MED13: variants seen among roughly 807,000 people sequenced by gnomAD.
MED13 encodes the protein mediator of RNA polymerase II transcription subunit 13.
In MED13, 23 loss-of-function variants were observed where a neutral mutation model predicts 225.2. The observed-to-expected ratio is 0.10, with a 90% CI of 0.07 to 0.14. The LOEUF (loss-of-function observed/expected upper bound fraction) is 0.14. Among genes scored for constraint, MED13 ranks in the 10% least tolerant of loss-of-function variants. MED13 has a pLI of 1.00. For synonymous variants in MED13, 942 were observed against 889.2 expected (o/e 1.06, Z -1.06); for missense variants, 2,197 against 2,594.5 (o/e 0.85, Z 3.33).
chr17:62,038,358 C>T (rs1293272967), intron 3 of MED13, among the ~76,000 whole-genome samples: 1 of 152,062 alleles, frequency 6.6e-6, no homozygotes, highest in Non-Finnish European at 1.5e-5. Context: ...GCTATGATGA[C>T]ACCACTGCCC....
intron 11 of MED13, among the ~76,000 whole-genome samples, chr17:61,989,781 C>T (rs2080279513): frequency 6.6e-6 from 1 of 152,252 alleles, no homozygotes; most frequent in African/African-American, 2.4e-5. Context: ...TTGCAGCAGA[C>T]TTTCAAATCA....
At chr17:61,998,961 TA>T in intron 9 of MED13, among the ~76,000 whole-genome samples, 1 of 148,268 alleles carries the variant, frequency 6.7e-6, no homozygotes. Flanking sequence ...CCGTCTCCTA[TA>T]TTCAGAATCA....
rs1379127977 is a variant in MED13 at position 61,942,867 on chromosome 17, T to G, written c.*3601A>C. The G allele has an allele frequency of 6.6e-6, 1 of 151,860 alleles. No individual in the cohort carries two copies. The highest frequency in any genetic ancestry group is 2.4e-5 in the African/African-American group (1 of 41,218). 9.4% of individuals were successfully genotyped at this position (151,860 alleles called of 1,614,324 possible). A position where few individuals can be genotyped will look rare whatever the true frequency, so the allele number is the denominator to read the frequency against. On this transcript the variant is annotated 3_prime_UTR_variant, in exon 30 of 30. Coordinates refer to ENST00000397786, the MANE Select transcript of MED13 (RefSeq NM_005121.3). ...AAGTGACCAAGCTATTTTGAGAGGG[T>G]TGATGCTGACATGTCCAGTAATGAC...
chr17:62,021,844 G>A lies in MED13; in HGVS notation c.1283+7697C>T, dbSNP rs2080651122. Among the ~76,000 whole-genome samples, 6 of 152,050 alleles carry A rather than the reference G, an allele frequency of 3.9e-5. No homozygotes were observed. In the South Asian group the frequency reaches 1.0e-3, roughly 26 times the overall value. On this transcript the variant is annotated intron_variant, in intron 8 of 29. Coordinates refer to ENST00000397786, the MANE Select transcript of MED13 (RefSeq NM_005121.3). ...ACCCACCTAGTTTATTTCCTTCCCA[G>A]CACTCATTCAAATTTAAAAAGGATT...
chr17:62,056,202 A>C (rs991756409), intron 2 of MED13, among the ~76,000 whole-genome samples: 2 of 152,228 alleles, frequency 1.3e-5, no homozygotes, highest in Non-Finnish European at 2.9e-5. Flanking sequence ...TACTGAGCCA[A>C]GTTTCTAATA....
chr17:62,052,476 G>A lies in MED13; in HGVS notation c.470+61C>T, dbSNP rs557886395. On this transcript the variant is annotated intron_variant, in intron 3 of 29. Transcript: ENST00000397786. ...TAGCTTGTTTTATCCCACATTCTCT[G>A]TTAAGACACAAAAAGGAACAAATCT... 82 of 1,312,218 alleles carry A rather than the reference G, an allele frequency of 6.2e-5. No individual in the cohort carries two copies. In the East Asian group the frequency reaches 1.6e-3, roughly 26 times the overall value. The allele number at this position is 1,312,218 out of a possible 1,614,324, so 81.3% of individuals were successfully genotyped here. A position where few individuals can be genotyped will look rare whatever the true frequency, so the allele number is the denominator to read the frequency against.
chr17:61,948,272 C>T (rs568600777), intron 28 of MED13, among the ~76,000 whole-genome samples: 1 of 151,968 alleles, frequency 6.6e-6, no homozygotes, highest in African/African-American at 2.4e-5. Context: ...TAGTTCATAA[C>T]CAGAAGTCCT....
chr17:61,983,853 C>T (rs989629878), intron 15 of MED13, among the ~76,000 whole-genome samples: 5 of 151,860 alleles, frequency 3.3e-5, no homozygotes, highest in African/African-American at 1.2e-4. Context: ...CTCAGCCTCC[C>T]AAGTAGCTGG....
In MED13 at chr17:61,995,259, C is replaced by T. The variant is rs1164361791; in HGVS notation, c.2074G>A (p.Glu692Lys). 5.0e-6 allele frequency: 8 copies of T among 1,613,514 alleles called. No homozygotes were observed. The highest frequency in any genetic ancestry group is 6.8e-6 in the Non-Finnish European group (8 of 1,179,818). ...LSAIASDAEQ[E>K]PKIDPYAFVE... is the part of the protein sequence containing the mutation. ...AATGCATATGGATCAATTTTAGGTT[C>T]TTGTTCTGCATCAGATGCTATTGCT... The change falls in exon 10 of 30, where the codon GAA becomes AAA. Residue 692 changes from glutamate (E) to lysine (K), a missense_variant. Physicochemically the swap from Glu to Lys is moderately conservative, Grantham distance 56. This residue lies in a region of MED13 where 884 missense variants were observed against 918.5 expected (regional missense o/e 0.96). Transcript: ENST00000397786.
chr17:61,945,683 T>A lies in MED13; in HGVS notation c.*785A>T, dbSNP rs1176877434. ...ATATATAAAATGCTGTAAGACCTGG[T>A]ACCTTTTCAATTTATAAACACAGTG... On this transcript the variant is annotated 3_prime_UTR_variant, in exon 30 of 30. Coordinates refer to ENST00000397786, the MANE Select transcript of MED13 (RefSeq NM_005121.3). The A allele has an allele frequency of 2.6e-5, 4 of 152,610 alleles. No homozygotes were observed. Among genetic ancestry groups the A allele is most frequent in the Admixed American group, 2.6e-4 (4 of 15,270 alleles). 9.5% of individuals were successfully genotyped at this position (152,610 alleles called of 1,614,324 possible).
chr17:61,998,888 T>G (rs1233722545), intron 9 of MED13, among the ~76,000 whole-genome samples: 2 of 150,574 alleles, frequency 1.3e-5, no homozygotes, highest in African/African-American at 4.9e-5. Context: ...TGTGAGCTAC[T>G]GAGCCCAGCC....
chr17:62,000,207 CAAAT>C (rs1421176779), intron 9 of MED13, among the ~76,000 whole-genome samples: 2 of 152,144 alleles, frequency 1.3e-5, no homozygotes, highest in African/African-American at 4.8e-5. Flanking sequence ...TCACTTAACA[CAAAT>C]AAAACAAAGC....
At position 62,063,061 on chromosome 17, in the gene MED13, T is replaced by C. The variant is rs1211825889; in HGVS notation, c.301+6A>G. 2.5e-6 allele frequency: 4 copies of C among 1,601,778 alleles called. No individual in the cohort carries two copies. Among genetic ancestry groups the C allele is most frequent in the Admixed American group, 3.3e-5 (2 of 59,788 alleles). On this transcript the variant is annotated splice_donor_region_variant and intron_variant, in intron 2 of 29. Transcript: ENST00000397786. Reference sequence around the variant, plus strand: ...TCATTAGTTAGAAATGGAAAGTTTCTTTCACCTGATAAGTCATGGTGAATA... The same window carrying C: ...TCATTAGTTAGAAATGGAAAGTTTCCTTCACCTGATAAGTCATGGTGAATA...
chr17:62,015,848 A>C, intron 8 of MED13, among the ~76,000 whole-genome samples: 1 of 114,232 alleles, frequency 8.8e-6, no homozygotes, highest in East Asian at 2.9e-4. Flanking sequence ...CACACACTAT[A>C]TATATGTGTA....
chr17:62,051,866 A>C (rs958282151), intron 3 of MED13, among the ~76,000 whole-genome samples: 6 of 152,184 alleles, frequency 3.9e-5, no homozygotes, highest in Non-Finnish European at 7.3e-5. Flanking sequence ...GGGAACTTAA[A>C]TCTTTTGAGA....
At chr17:62,028,074 C>A (rs1396875121) in intron 8 of MED13, among the ~76,000 whole-genome samples, 1 of 152,202 alleles carries the variant, frequency 6.6e-6, no homozygotes, top group Non-Finnish European at 1.5e-5. Flanking sequence ...GAATATAAAT[C>A]ATTCTACCAT....
At chr17:62,024,714 T>C (rs117863992) in intron 8 of MED13, among the ~76,000 whole-genome samples, 1,545 of 152,326 alleles carry the variant, frequency 0.01, 12 homozygotes, top group South Asian at 0.026. Flanking sequence ...GGACCCAGTG[T>C]CTGTTGTTCC....
intron 11 of MED13, among the ~76,000 whole-genome samples, chr17:61,990,625 G>GTGTGTA (rs754041171): frequency 8.5e-5 from 7 of 81,970 alleles, no homozygotes; most frequent in African/African-American, 5.6e-4. Context: ...TTGGCGCACT[G>GTGTGTA]TGTATATATA....
intron 8 of MED13, among the ~76,000 whole-genome samples, chr17:62,015,950 ATATATTTTTTTTTTTTT>A (rs1255607240): frequency 5.1e-4 from 7 of 13,772 alleles, no homozygotes; most frequent in African/African-American, 1.4e-3. Flanking sequence ...ATATATATAT[ATATATTTTTTTTTTTTT>A]TTTTTTTTTT....
Sources: allele counts gnomAD v4.1 joint callset (sites outside exome capture counted in the v4.1 genomes callset), GRCh38; gene constraint gnomAD v4.1.1; regional missense constraint gnomAD v4.1.1; transcripts MANE v1.5; gene names NCBI Gene and HGNC (gene_info 2026-07-23, HGNC 2026-07-21).